Variants in CCDC50 observed in about 807,000 individuals in gnomAD.
CCDC50 encodes coiled-coil domain containing 50, also known as coiled-coil domain-containing protein 50.
Under a neutral mutation model 70.2 loss-of-function variants are expected in CCDC50, and 54 were observed. The ratio of observed to expected loss-of-function variants is 0.77; its 90% confidence interval spans 0.62 to 0.96. CCDC50 has a LOEUF of 0.96. CCDC50 is among the 50% of genes least tolerant of loss of function. The pLI, the probability that CCDC50 is intolerant of heterozygous loss-of-function variation, is 0.00. For synonymous variants in CCDC50, 216 were observed against 198.8 expected, an observed-to-expected ratio of 1.09 and a Z score of -0.73; for missense variants, 558 against 578.7, an observed-to-expected ratio of 0.96 and a Z score of 0.37.
chr3:191,356,221 G>A (rs1007036459), intron 1 of CCDC50, among the ~76,000 whole-genome samples: 1 of 152,124 alleles, frequency 6.6e-6, no homozygotes, highest in Non-Finnish European at 1.5e-5. Flanking sequence ...AATCCTTCAT[G>A]TTTTGTCTGT....
chr3:191,332,094 C>A (rs1230390526), intron 1 of CCDC50, among the ~76,000 whole-genome samples: 2 of 151,994 alleles, frequency 1.3e-5, no homozygotes, highest in Non-Finnish European at 2.9e-5. Context: ...GAGTGTGTGC[C>A]CGTTTCCATT....
At chr3:191,343,251 G>A (rs1214441860) in intron 1 of CCDC50, among the ~76,000 whole-genome samples, 1 of 152,128 alleles carries the variant, frequency 6.6e-6, no homozygotes, top group East Asian at 1.9e-4. Flanking sequence ...CATATTACAG[G>A]GGCGTAAACA....
intron 9 of CCDC50, among the ~76,000 whole-genome samples, chr3:191,382,227 T>C (rs1713343285): frequency 6.6e-6 from 1 of 152,148 alleles, no homozygotes; most frequent in South Asian, 2.1e-4. Flanking sequence ...TTCTGTAATT[T>C]TTATTTTATA....
intron 11 of CCDC50, 46 bp downstream of exon 11, chr3:191,389,648 A>G (rs758279110): frequency 2.9e-6 from 4 of 1,402,998 alleles, no homozygotes; most frequent in Non-Finnish European, 4.0e-6. Context: ...CTTTTTTTAT[A>G]TAAGCCTCGT....
chr3:191,389,585 CAG>C lies in CCDC50; in HGVS notation c.1415_1416del (p.Glu472ValfsTer4), dbSNP rs978108356. 6.2e-7 allele frequency: 1 copy of C among 1,613,116 alleles called. No individual in the cohort carries two copies. On this transcript the variant is annotated frameshift_variant, in exon 11 of 12. Coordinates refer to ENST00000392455, the MANE Select transcript of CCDC50 (RefSeq NM_178335.3). LOFTEE classifies it high-confidence loss of function. Reference sequence around the variant, plus strand: ...AGTTCCACACGGCATTTCTCAAAATCAGAGTCCTCTCATAAAGGTAAGAAGAG... The same window carrying C: ...AGTTCCACACGGCATTTCTCAAAATCAGTCCTCTCATAAAGGTAAGAAGAG...
intron 10 of CCDC50, among the ~76,000 whole-genome samples, chr3:191,386,205 T>A (rs964361619): frequency 4.0e-4 from 60 of 149,006 alleles, no homozygotes; most frequent in Non-Finnish European, 8.0e-4. Context: ...ATTGCTTTGT[T>A]TAGTATGGGC....
Position 191,352,312 on chromosome 3 carries a change from C to G in CCDC50, c.50-4776C>G, listed in dbSNP as rs533091563. Reference sequence around the variant, plus strand: ...GCCATTCATGTATTTAGGGGGAGATCAACAACTCAATGAAAATCATTCTTT... The same window carrying G: ...GCCATTCATGTATTTAGGGGGAGATGAACAACTCAATGAAAATCATTCTTT... On this transcript the variant is annotated intron_variant, in intron 1 of 11. Coordinates refer to ENST00000392455, the MANE Select transcript of CCDC50 (RefSeq NM_178335.3). Among the ~76,000 whole-genome samples, 5 of 141,612 alleles carry G rather than the reference C, an allele frequency of 3.5e-5. No homozygotes were observed. The East Asian group carries it at 9.6e-4, about 27-fold the overall frequency. 92.9% of individuals were successfully genotyped at this position (141,612 alleles called of 152,430 possible). A position where few individuals can be genotyped will look rare whatever the true frequency, so the allele number is the denominator to read the frequency against.
At chr3:191,355,855 A>G (rs1712260435) in intron 1 of CCDC50, among the ~76,000 whole-genome samples, 1 of 152,182 alleles carries the variant, frequency 6.6e-6, no homozygotes, top group African/African-American at 2.4e-5. Flanking sequence ...TTATAAAACC[A>G]TTTCAAAATA....
At chr3:191,346,582 A>G (rs1435787722) in intron 1 of CCDC50, among the ~76,000 whole-genome samples, 3 of 152,194 alleles carry the variant, frequency 2.0e-5, no homozygotes, top group African/African-American at 4.8e-5. Context: ...CATAGGGTGT[A>G]TAAAAATAAC....
chr3:191,366,230 T>G (rs766437561), intron 4 of CCDC50, among the ~76,000 whole-genome samples: 23 of 152,298 alleles, frequency 1.5e-4, no homozygotes, highest in Non-Finnish European at 2.6e-4. Context: ...AGCACTATTC[T>G]TTAAAGCTAA....
Position 191,351,920 on chromosome 3 carries a change from A to G in CCDC50, c.50-5168A>G, listed in dbSNP as rs1416751341. 2.2e-5 allele frequency among the ~76,000 whole-genome samples: 3 copies of G among 138,134 alleles called. 1 individual carries two copies. Among genetic ancestry groups the G allele is most frequent in the Non-Finnish European group, 4.9e-5 (3 of 61,718 alleles). The allele number at this position is 138,134 out of a possible 152,430, so 90.6% of individuals were successfully genotyped here. Reference sequence around the variant, plus strand: ...ATCTTTTTGTCTTTTTCCATAATTGACCCCTTTGCCAAGAATGTTTACCGC... The same window carrying G: ...ATCTTTTTGTCTTTTTCCATAATTGGCCCCTTTGCCAAGAATGTTTACCGC... On this transcript the variant is annotated intron_variant, in intron 1 of 11. Coordinates refer to ENST00000392455, the MANE Select transcript of CCDC50 (RefSeq NM_178335.3).
At chr3:191,373,530 CCG>C (rs1576967934) in intron 5 of CCDC50, among the ~76,000 whole-genome samples, 1 of 152,118 alleles carries the variant, frequency 6.6e-6, no homozygotes, top group Non-Finnish European at 1.5e-5. Context: ...TTTATTAACA[CCG>C]TAAACCATTG....
Position 191,378,118 on chromosome 3 carries a change from C to T in CCDC50, c.977-2041C>T, listed in dbSNP as rs535662889. Among the ~76,000 whole-genome samples, 11 of 152,162 alleles carry T rather than the reference C, an allele frequency of 7.2e-5. No individual in the cohort carries two copies. The South Asian group carries it at 1.5e-3, about 20-fold the overall frequency. ...CAGTGCAGAAATTTAGTATTCCAGG[C>T]TGTGGAGATTTTCTACTTAATGAGA... On this transcript the variant is annotated intron_variant, in intron 6 of 11. Transcript: ENST00000392455.
At chr3:191,377,874 C>A (rs985486299) in intron 6 of CCDC50, among the ~76,000 whole-genome samples, 1 of 152,086 alleles carries the variant, frequency 6.6e-6, no homozygotes, top group Admixed American at 6.6e-5. Context: ...AAATACCACT[C>A]ACCTGATTTT....
chr3:191,379,207 A>G (rs1413893289), intron 6 of CCDC50, among the ~76,000 whole-genome samples: 1 of 152,016 alleles, frequency 6.6e-6, no homozygotes. Flanking sequence ...GACAGGGCAC[A>G]CCCAGGCTAC....
chr3:191,370,488 T>G (rs1001865582), intron 5 of CCDC50, among the ~76,000 whole-genome samples: 11 of 77,892 alleles, frequency 1.4e-4, no homozygotes, highest in African/African-American at 3.6e-4. Context: ...GTTTTTTTGT[T>G]TTTTTTTTTG....
chr3:191,364,174 T>G (rs537076074), intron 4 of CCDC50, among the ~76,000 whole-genome samples: 33 of 152,106 alleles, frequency 2.2e-4, no homozygotes, highest in African/African-American at 8.0e-4. Context: ...GTTCAAGCGA[T>G]TCCCCTGCCT....
intron 2 of CCDC50, among the ~76,000 whole-genome samples, 171 bp from the exon 3 acceptor site, chr3:191,357,827 A>G (rs1460564219): frequency 6.6e-6 from 1 of 152,174 alleles, no homozygotes; most frequent in Non-Finnish European, 1.5e-5. Context: ...TACTTAATGG[A>G]AAAGTGGGGA....
rs146933309 is a variant in CCDC50 at position 191,365,013 on chromosome 3, G to T, written c.330+3854G>T. 2.0e-4 allele frequency among the ~76,000 whole-genome samples: 30 copies of T among 152,180 alleles called. No homozygotes were observed. In the East Asian group the frequency reaches 4.8e-3, roughly 24 times the overall value. Reference sequence around the variant, plus strand: ...TAGTGGTTAATAAAAATGGGTTAAGGTTAATCAGTTAATTTAACTTAGTTA... The same window carrying T: ...TAGTGGTTAATAAAAATGGGTTAAGTTTAATCAGTTAATTTAACTTAGTTA... On this transcript the variant is annotated intron_variant, in intron 4 of 11. Coordinates refer to ENST00000392455, the MANE Select transcript of CCDC50 (RefSeq NM_178335.3).
Sources: allele counts gnomAD v4.1 joint callset (sites outside exome capture counted in the v4.1 genomes callset), GRCh38; gene constraint gnomAD v4.1.1; transcripts MANE v1.5; gene names NCBI Gene and HGNC (gene_info 2026-07-23, HGNC 2026-07-21).